The following EIF4E variants were observed in gnomAD, a reference collection of about 807,000 sequenced individuals.
The protein encoded by EIF4E is eIF-4F 25 kDa subunit.
For synonymous variants in EIF4E, 71 were observed against 88.5 expected (o/e 0.80, Z 1.11); for missense variants, 113 against 265.6 (o/e 0.43, Z 3.99).
chr4:98,925,430 A>C (rs552393204), intron 1 of EIF4E, among the ~76,000 whole-genome samples: 1 of 152,350 alleles, frequency 6.6e-6, no homozygotes, highest in African/African-American at 2.4e-5. Flanking sequence ...GACTAATATT[A>C]AACCTAATTT....
intron 2 of EIF4E, chr4:98,891,629 A>C: frequency 3.0e-6 from 1 of 328,698 alleles, no homozygotes; most frequent in Non-Finnish European, 5.6e-6. Flanking sequence ...CATAGAAACA[A>C]AAAGAATGGT....
rs539080863 is a variant in EIF4E at position 98,928,143 on chromosome 4, T to C, written c.18+952A>G. ...ATAAAGACTCGGAAGAACAGAGGGA[T>C]TGAGACCCATTCGCATTCTCTGAGG... is the stretch of plus-strand genomic sequence containing the variant. On this transcript the variant is annotated intron_variant, in intron 1 of 6. Coordinates refer to ENST00000450253, the MANE Select transcript of EIF4E (RefSeq NM_001968.5). Among the ~76,000 whole-genome samples, 17 of 152,294 alleles carry C rather than the reference T, an allele frequency of 1.1e-4. No homozygotes were observed. In the East Asian group the frequency reaches 1.9e-3, roughly 17 times the overall value.
intron 5 of EIF4E, among the ~76,000 whole-genome samples, chr4:98,886,103 C>T (rs553177624): frequency 1.3e-5 from 2 of 152,016 alleles, no homozygotes; most frequent in South Asian, 2.1e-4. Flanking sequence ...GCTATGATGG[C>T]CCCACTGCAC....
chr4:98,918,590 C>T (rs1487355302), intron 1 of EIF4E, among the ~76,000 whole-genome samples: 2 of 151,692 alleles, frequency 1.3e-5, no homozygotes, highest in African/African-American at 2.4e-5. Context: ...TATATTATCT[C>T]GTGTATGGAA....
intron 1 of EIF4E, among the ~76,000 whole-genome samples, chr4:98,907,906 G>T (rs1246896320): frequency 6.6e-6 from 1 of 152,152 alleles, no homozygotes. Flanking sequence ...TACTTGAGAT[G>T]ACATTAATGT....
intron 1 of EIF4E, among the ~76,000 whole-genome samples, chr4:98,914,818 A>C (rs2110214320): frequency 6.6e-6 from 1 of 152,326 alleles, no homozygotes; most frequent in East Asian, 1.9e-4. Flanking sequence ...CAATTCTAAC[A>C]AATGTGCCAT....
At chr4:98,927,849 C>T (rs1365581915) in intron 1 of EIF4E, among the ~76,000 whole-genome samples, 1 of 152,006 alleles carries the variant, frequency 6.6e-6, no homozygotes, top group Non-Finnish European at 1.5e-5. Context: ...GATATCTTCA[C>T]TTAGCTGTGT....
At chr4:98,916,789 T>A (rs1237553228) in intron 1 of EIF4E, among the ~76,000 whole-genome samples, 1 of 152,092 alleles carries the variant, frequency 6.6e-6, no homozygotes, top group Non-Finnish European at 1.5e-5. Context: ...TCAAAAATTT[T>A]TTTACTATGT....
At chr4:98,911,330 G>T (rs1009385215) in intron 1 of EIF4E, among the ~76,000 whole-genome samples, 3 of 148,506 alleles carry the variant, frequency 2.0e-5, no homozygotes, top group Non-Finnish European at 3.0e-5. Flanking sequence ...TTACAGGTGT[G>T]AGCCACCGCG....
At chr4:98,918,314 G>A (rs1196544336) in intron 1 of EIF4E, among the ~76,000 whole-genome samples, 3 of 147,200 alleles carry the variant, frequency 2.0e-5, no homozygotes, top group South Asian at 2.1e-4. Flanking sequence ...AGTGAGCCGA[G>A]ATTGTCACTG....
At chr4:98,915,388 T>C (rs945723583) in intron 1 of EIF4E, among the ~76,000 whole-genome samples, 5 of 152,116 alleles carry the variant, frequency 3.3e-5, no homozygotes, top group African/African-American at 1.2e-4. Context: ...TTACAGATTA[T>C]TTTTTCACAA....
chr4:98,882,490 G>A (rs1277765941), intron 6 of EIF4E, among the ~76,000 whole-genome samples: 1 of 149,654 alleles, frequency 6.7e-6, no homozygotes, highest in Admixed American at 6.6e-5. Context: ...AAGGAATAAA[G>A]ATATTAATGG....
chr4:98,924,695 C>T (rs962518206), intron 1 of EIF4E, among the ~76,000 whole-genome samples: 6 of 152,008 alleles, frequency 3.9e-5, no homozygotes, highest in African/African-American at 1.2e-4. Flanking sequence ...CAGGTTCAAG[C>T]GATTCTCCTG....
At chr4:98,883,363 A>AC (rs1723779128) in intron 6 of EIF4E, among the ~76,000 whole-genome samples, 1 of 150,596 alleles carries the variant, frequency 6.6e-6, no homozygotes, top group Non-Finnish European at 1.5e-5. Flanking sequence ...ACTGACCAGC[A>AC]CTTAATTTTA....
intron 1 of EIF4E, among the ~76,000 whole-genome samples, chr4:98,902,286 G>C (rs1579165863): frequency 6.6e-6 from 1 of 152,282 alleles, no homozygotes; most frequent in African/African-American, 2.4e-5. Flanking sequence ...TGGTCAGGCT[G>C]GTCTTGAACT....
intron 2 of EIF4E, chr4:98,895,158 A>C (rs1391763804): frequency 6.6e-6 from 1 of 152,268 alleles, no homozygotes; most frequent in Non-Finnish European, 1.5e-5. Context: ...ATACAATAAA[A>C]GTTTGAAATA....
chr4:98,892,760 G>A (rs1420971186), intron 2 of EIF4E, among the ~76,000 whole-genome samples: 1 of 151,762 alleles, frequency 6.6e-6, no homozygotes, highest in Non-Finnish European at 1.5e-5. Flanking sequence ...AAGAAGAAAT[G>A]AGAGTGCCAG....
chr4:98,924,565 T>A (rs1459748571), intron 1 of EIF4E, among the ~76,000 whole-genome samples: 1 of 152,062 alleles, frequency 6.6e-6, no homozygotes, highest in Non-Finnish European at 1.5e-5. Context: ...TAACTCAGAT[T>A]ATAAAATGAA....
At chr4:98,915,983 G>T (rs1021344748) in intron 1 of EIF4E, among the ~76,000 whole-genome samples, 1 of 151,060 alleles carries the variant, frequency 6.6e-6, no homozygotes, top group Non-Finnish European at 1.5e-5. Flanking sequence ...TTGAGGTCAG[G>T]AGTTCGAGAC....
Sources: gnomAD v4.1 joint callset for allele counts (sites outside exome capture counted in the v4.1 genomes callset) on GRCh38, gnomAD v4.1.1 for gene constraint, MANE v1.5 for transcripts, NCBI Gene and HGNC (gene_info 2026-07-23, HGNC 2026-07-21) for gene names.